Variants in ZNF273 observed in about 807,000 individuals in gnomAD.
ZNF273 encodes the protein zinc finger protein 273.
ZNF273 carries 11 observed loss-of-function variants against 14.9 expected under a neutral mutation model. The ratio of observed to expected loss-of-function variants is 0.74; its 90% CI spans 0.46 to 1.22. The LOEUF is 1.22. Among genes scored for constraint, ZNF273 ranks in the 50% most tolerant of loss-of-function variants. ZNF273 has a pLI of 0.00. For missense variants in ZNF273, 577 were observed against 660.6 expected (o/e 0.87, Z 1.39); for synonymous variants, 199 against 223.9 (o/e 0.89, Z 0.99).
At chr7:64,912,913 C>T (rs1793676817) in intron 1 of ZNF273, among the ~76,000 whole-genome samples, 1 of 141,306 alleles carries the variant, frequency 7.1e-6, no homozygotes, top group South Asian at 2.3e-4. Flanking sequence ...ACTGCAACCT[C>T]CGCCTCTTGG....
At position 64,930,197 on chromosome 7, in the gene ZNF273, G is replaced by GT. The variant is rs1236244293; in HGVS notation, c.*1160dup. 6.6e-6 allele frequency: 1 copy of GT among 152,112 alleles called. No homozygotes were observed. Among genetic ancestry groups the GT allele is most frequent in the Non-Finnish European group, 1.5e-5 (1 of 68,030 alleles). 9.4% of individuals were successfully genotyped at this position (152,112 alleles called of 1,614,324 possible). A position where few individuals can be genotyped will look rare whatever the true frequency, so the allele number is the denominator to read the frequency against. On this transcript the variant is annotated 3_prime_UTR_variant, in exon 4 of 4. Transcript: ENST00000476120. ...TTCTTCATTCCTATTGTATTCACAT[G>GT]TGAAAGCATGTGATCAACTTGCTGC...
downstream of ZNF273, among the ~76,000 whole-genome samples, chr7:64,884,529 C>T (rs893122286): frequency 6.6e-6 from 1 of 152,102 alleles, no homozygotes; most frequent in Non-Finnish European, 1.5e-5. Flanking sequence ...CTTGGACTTG[C>T]CTTTATTGTC....
chr7:64,929,001 C>T lies in ZNF273; in HGVS notation c.1673C>T (p.Ser558Phe). The T allele has an allele frequency of 6.4e-7, 1 of 1,568,946 alleles. No individual in the cohort carries two copies. The highest frequency in any genetic ancestry group is 8.6e-7 in the Non-Finnish European group (1 of 1,161,834). Reference sequence around the variant, plus strand: ...GCTTTTGACAACACCCCAAACTTTTCTAGACATAAAAGAAATCATATGGGT... The same window carrying T: ...GCTTTTGACAACACCCCAAACTTTTTTAGACATAAAAGAAATCATATGGGT... Reference protein sequence around the residue: ...DSAFDNTPNFSRHKRNHMGEK... With the variant: ...DSAFDNTPNFFRHKRNHMGEK... The change falls in exon 4 of 4, where the codon TCT becomes TTT. Residue 558 changes from serine to phenylalanine, a missense_variant. This residue lies in a region of ZNF273 where 411 missense variants were observed against 440.4 expected (regional missense o/e 0.93). Transcript: ENST00000476120.
chr7:64,908,457 G>A (rs1168639855), intron 1 of ZNF273, among the ~76,000 whole-genome samples: 1 of 152,092 alleles, frequency 6.6e-6, no homozygotes, highest in East Asian at 1.9e-4. Flanking sequence ...GAGTCCATGT[G>A]TTTTTGTTTG....
At position 64,921,605 on chromosome 7, in the gene ZNF273, C is replaced by CT. The variant is rs752363426; in HGVS notation, c.325+3345dup. ...TATCAATCTTTGCTTCATGCTAATG[C>CT]TTTTTTTTTTTTTTTTTTTTTTTTT... On this transcript the variant is annotated intron_variant, in intron 3 of 3. Coordinates refer to ENST00000476120, the MANE Select transcript of ZNF273 (RefSeq NM_021148.3). 2.2e-4 allele frequency among the ~76,000 whole-genome samples: 13 copies of CT among 57,960 alleles called. 2 individuals carry two copies. The highest frequency in any genetic ancestry group is 6.6e-4 in the African/African-American group (10 of 15,040). 38.0% of individuals were successfully genotyped at this position (57,960 alleles called of 152,430 possible). A position where few individuals can be genotyped will look rare whatever the true frequency, so the allele number is the denominator to read the frequency against.
upstream of ZNF273, among the ~76,000 whole-genome samples, chr7:64,898,968 C>A (rs1792524676): frequency 6.6e-6 from 1 of 152,168 alleles, no homozygotes; most frequent in African/African-American, 2.4e-5. Context: ...TGTTAACTTA[C>A]TCTAAATTGA....
In ZNF273 at chr7:64,928,390, C is replaced by T. The variant is rs1402947217; in HGVS notation, c.1062C>T (p.Ala354=). Residue 354 remains alanine, a synonymous_variant, in exon 4 of 4, where the codon GCC becomes GCT. Transcript: ENST00000476120. ...KPYKCNECGK[A]FNWSSTLTKH... ...ACAAATGCAATGAATGTGGTAAAGC[C>T]TTTAACTGGTCCTCAACTCTTACTA... is the stretch of plus-strand genomic sequence containing the variant. 6.2e-7 allele frequency: 1 copy of T among 1,612,672 alleles called. No homozygotes were observed. Among genetic ancestry groups the T allele is most frequent in the Non-Finnish European group, 8.5e-7 (1 of 1,179,696 alleles).
downstream of ZNF273, among the ~76,000 whole-genome samples, chr7:64,892,552 A>C (rs1017590361): frequency 5.9e-5 from 9 of 152,286 alleles, no homozygotes; most frequent in South Asian, 1.7e-3. Flanking sequence ...TTTGTTGCCT[A>C]ATGGTCATAA....
chr7:64,902,017 T>C (rs1381756849), upstream of ZNF273, among the ~76,000 whole-genome samples: 1 of 149,534 alleles, frequency 6.7e-6, no homozygotes, highest in Non-Finnish European at 1.5e-5. Flanking sequence ...TGAGGTCATG[T>C]ATAATATTAT....
chr7:64,932,175 G>A (rs1022177938), downstream of ZNF273, among the ~76,000 whole-genome samples: 1 of 150,058 alleles, frequency 6.7e-6, no homozygotes, highest in Non-Finnish European at 1.5e-5. Context: ...GGCATACGCT[G>A]TCCACAGGTG....
intron 3 of ZNF273, among the ~76,000 whole-genome samples, chr7:64,926,077 G>A (rs1271904829): frequency 7.9e-6 from 1 of 126,268 alleles, no homozygotes. Flanking sequence ...TTCAGGATTT[G>A]GTTATTTTGG....
At chr7:64,888,921 G>C (rs998432550), downstream of ZNF273, 13 of 982,820 alleles carry the variant, frequency 1.3e-5, no homozygotes, top group African/African-American at 5.2e-5. Context: ...CACCCTGCAA[G>C]AGAAAACTCT....
At chr7:64,916,034 A>T (rs927585768) in intron 1 of ZNF273, among the ~76,000 whole-genome samples, 1 of 151,980 alleles carries the variant, frequency 6.6e-6, no homozygotes, top group African/African-American at 2.4e-5. Flanking sequence ...CGTCTATACT[A>T]AAAATACAAA....
rs1562966377 is a variant in ZNF273 at position 64,928,141 on chromosome 7, T to C, written c.813T>C (p.Phe271=). 3 of 1,613,654 alleles carry C rather than the reference T, an allele frequency of 1.9e-6. No individual in the cohort carries two copies. The highest frequency in any genetic ancestry group is 2.7e-5 in the African/African-American group (2 of 75,008). ...AATGTGAAGAATGTGGCAAAGCCTT[T>C]AACCAGTCCTTAACTCTTACTAAAC... ...PYKCEECGKA[F]NQSLTLTKHK... Residue 271 remains phenylalanine, a synonymous_variant, in exon 4 of 4, where the codon TTT becomes TTC. Coordinates refer to ENST00000476120, the MANE Select transcript of ZNF273 (RefSeq NM_021148.3).
chr7:64,933,699 AACAG>A (rs1301380654), downstream of ZNF273: 3 of 152,236 alleles, frequency 2.0e-5, no homozygotes, highest in African/African-American at 4.8e-5. Context: ...AAGTTTATGA[AACAG>A]ACACAGTATT....
At chr7:64,911,523 G>T (rs1365354905) in intron 1 of ZNF273, among the ~76,000 whole-genome samples, 1 of 151,906 alleles carries the variant, frequency 6.6e-6, no homozygotes, top group Admixed American at 6.6e-5. Context: ...TTAGCCTCCC[G>T]AAGTGCTGGG....
At position 64,888,060 on chromosome 7, in the gene ZNF273, T is replaced by C. The variant is rs190983492; in HGVS notation, n.274-513T>C. 1.1e-3 allele frequency among the ~76,000 whole-genome samples: 169 copies of C among 152,304 alleles called. No individual in the cohort carries two copies. In the East Asian group the frequency reaches 0.022, roughly 20 times the overall value. On this transcript the variant is annotated intron_variant and non_coding_transcript_variant, in intron 1 of 1. Transcript: ENST00000471926. ...CCAATGCTGGCACTCAGGCAGGACC[T>C]GCCCAAGTGGGACCTGTCTCCACCT...
In ZNF273 at chr7:64,930,578, C is replaced by CCTCACCTTA. The variant is rs1794969899; in HGVS notation, c.*1545_*1553dup. The CCTCACCTTA allele has an allele frequency of 6.6e-6, 1 of 152,128 alleles. No homozygotes were observed. The highest frequency in any genetic ancestry group is 1.5e-5 in the Non-Finnish European group (1 of 68,012). 9.4% of individuals were successfully genotyped at this position (152,128 alleles called of 1,614,324 possible). A position where few individuals can be genotyped will look rare whatever the true frequency, so the allele number is the denominator to read the frequency against. Reference sequence around the variant, plus strand: ...CGTTATTATGCCACAAACTAACCTACCTCACCTTACTCAATGGTGTAGGTA... The same window carrying CCTCACCTTA: ...CGTTATTATGCCACAAACTAACCTACCTCACCTTACTCACCTTACTCAATGGTGTAGGTA... On this transcript the variant is annotated 3_prime_UTR_variant, in exon 4 of 4. Transcript: ENST00000476120.
chr7:64,912,478 C>A (rs1202853474), intron 1 of ZNF273, among the ~76,000 whole-genome samples: 1 of 151,144 alleles, frequency 6.6e-6, no homozygotes, highest in African/African-American at 2.4e-5. Flanking sequence ...TCATGAATAA[C>A]ACCTCTTTTC....
Sources: gnomAD v4.1 joint callset for allele counts (sites outside exome capture counted in the v4.1 genomes callset) on GRCh38, gnomAD v4.1.1 for gene constraint, gnomAD v4.1.1 regional missense constraint, MANE v1.5 for transcripts, NCBI Gene and HGNC (gene_info 2026-07-23, HGNC 2026-07-21) for gene names.